The following PIK3C2G variants were observed in gnomAD, a reference collection of about 807,000 sequenced individuals.
The protein encoded by PIK3C2G is phosphatidylinositol-4-phosphate 3-kinase catalytic subunit type 2 gamma, also known as phosphatidylinositol 3-kinase C2 domain-containing subunit gamma.
A neutral mutation model predicts 181.1 loss-of-function variants in PIK3C2G; 168 were observed. The ratio of observed to expected loss-of-function variants is 0.93; its 90% CI spans 0.82 to 1.05. The LOEUF is 1.05. Among genes scored for constraint, PIK3C2G ranks in the 50% least tolerant of loss-of-function variants. The probability of loss-of-function intolerance (pLI) is 0.00; values close to 1 mark genes in which losing one functional copy is unlikely to be tolerated. For synonymous variants in PIK3C2G, 573 were observed against 592.2 expected (o/e 0.97, Z 0.47); for missense variants, 1,869 against 1,732.8 (o/e 1.08, Z -1.40).
rs2136793758 is a variant in PIK3C2G at position 18,640,490 on chromosome 12, G to A, written c.4244G>A (p.Ser1415Asn). 1 of 1,608,164 alleles carries A rather than the reference G, an allele frequency of 6.2e-7. No homozygotes were observed. Among genetic ancestry groups the A allele is most frequent in the Non-Finnish European group, 8.5e-7 (1 of 1,176,600 alleles). The change falls in exon 32 of 33, where the codon AGT (serine) becomes AAT (asparagine). Residue 1415 changes from serine to asparagine, a missense_variant. Physicochemically the swap from Ser to Asn is conservative, Grantham distance 46. Coordinates refer to ENST00000538779, the MANE Select transcript of PIK3C2G (RefSeq NM_001288772.2). The stretch of plus-strand genomic sequence containing the variant: ...GAATTTTATCTTTTACCATATCCCA[G>A]TGAAGTTCGTAGGAGGAAAACAAAA... ...HVEFYLLPYPSEVRRRKTKSV... is the reference protein window; with the variant it reads ...HVEFYLLPYPNEVRRRKTKSV...
rs764009266 is a variant in PIK3C2G at position 18,362,817 on chromosome 12, G to C, written c.1679G>C (p.Cys560Ser). Residue 560 changes from cysteine to serine, a missense_variant, in exon 12 of 33, where the codon TGC becomes TCC. Coordinates refer to ENST00000538779, the MANE Select transcript of PIK3C2G (RefSeq NM_001288772.2). ...CTTACATATGCTGGAAAGAAGCTGT[G>C]CCAAGTGAGAAACTACAGAAATATT... ...CWLTYAGKKL[C>S]QVRNYRNIPD... 5.9e-6 allele frequency: 9 copies of C among 1,523,464 alleles called. 1 individual carries two copies. The Middle Eastern group carries it at 1.2e-3, about 204-fold the overall frequency. 94.4% of individuals were successfully genotyped at this position (1,523,464 alleles called of 1,614,324 possible). A position where few individuals can be genotyped will look rare whatever the true frequency, so the allele number is the denominator to read the frequency against.
downstream of PIK3C2G, among the ~76,000 whole-genome samples, chr12:18,652,887 A>T (rs115183613): frequency 2.0e-5 from 3 of 152,052 alleles, no homozygotes; most frequent in Non-Finnish European, 4.4e-5. Context: ...CATTGAACAT[A>T]TACATATATA....
chr12:18,698,060 G>A, the PIK3C2G span, among the ~76,000 whole-genome samples: 1,066 of 151,868 alleles, frequency 7.0e-3, 11 homozygotes, highest in African/African-American at 0.025. Flanking sequence ...CTGTCCTCAT[G>A]AACAACATGA....
At chr12:18,382,335 T>C (rs1245796837) in intron 14 of PIK3C2G, among the ~76,000 whole-genome samples, 1 of 152,204 alleles carries the variant, frequency 6.6e-6, no homozygotes, top group Non-Finnish European at 1.5e-5. Flanking sequence ...AAAGTAATTA[T>C]CCTTCTTTTT....
chr12:18,618,907 G>A (rs970550336), intron 31 of PIK3C2G, among the ~76,000 whole-genome samples: 5 of 151,972 alleles, frequency 3.3e-5, no homozygotes, highest in African/African-American at 9.7e-5. Context: ...ACAGAACGTA[G>A]AGGAAAAAAG....
intron 18 of PIK3C2G, among the ~76,000 whole-genome samples, chr12:18,479,724 A>C (rs1157202714): frequency 1.3e-5 from 2 of 152,186 alleles, no homozygotes; most frequent in Admixed American, 1.3e-4. Context: ...TGGTGAAAGT[A>C]GAAAACAGTC....
the PIK3C2G span, among the ~76,000 whole-genome samples, chr12:18,654,275 C>A: frequency 7.6e-6 from 1 of 131,190 alleles, no homozygotes; most frequent in Admixed American, 8.3e-5. Context: ...TTGCCATTTC[C>A]AAAAGAAACA....
intron 18 of PIK3C2G, among the ~76,000 whole-genome samples, chr12:18,432,761 C>G (rs915219671): frequency 5.3e-5 from 8 of 152,178 alleles, no homozygotes; most frequent in Admixed American, 6.5e-5. Context: ...GGATCATCTG[C>G]TATCCCAGAA....
At chr12:18,379,125 C>T (rs958086280) in intron 13 of PIK3C2G, among the ~76,000 whole-genome samples, 22 of 152,018 alleles carry the variant, frequency 1.4e-4, no homozygotes, top group Admixed American at 6.6e-5. Context: ...AAATGTCCAT[C>T]AGTGATAGAC....
rs534823009 is a variant in PIK3C2G, at chr12:18,462,780, G to A, written c.2505-25669G>A. Among the ~76,000 whole-genome samples the A allele has an allele frequency of 7.9e-4, 120 of 152,114 alleles. 1 individual carries two copies. Among genetic ancestry groups the A allele is most frequent in the Non-Finnish European group, 1.3e-3 (86 of 67,984 alleles). On this transcript the variant is annotated intron_variant, in intron 18 of 32. Coordinates refer to ENST00000538779, the MANE Select transcript of PIK3C2G (RefSeq NM_001288772.2). ...GTTTCTGACTCAGGAATTTCTGCTC[G>A]CTGATTAAATTGGCCTCATTTCAAC...
At chr12:18,684,326 T>A in the PIK3C2G span, 1 of 1,518,790 alleles carries the variant, frequency 6.6e-7, no homozygotes, top group East Asian at 2.3e-5. Context: ...ATACCATATC[T>A]AGGAAAAAAT....
chr12:18,319,247 C>T (rs191075796), intron 6 of PIK3C2G, among the ~76,000 whole-genome samples: 40 of 152,148 alleles, frequency 2.6e-4, no homozygotes, highest in Non-Finnish European at 1.5e-4. Context: ...AGTATGCCAA[C>T]GTTGTAGAAT....
downstream of PIK3C2G, among the ~76,000 whole-genome samples, chr12:18,650,964 C>A (rs546086339): frequency 6.6e-6 from 1 of 151,768 alleles, no homozygotes; most frequent in East Asian, 1.9e-4. Flanking sequence ...ATTCTCAACA[C>A]AGCAATGGGA....
At chr12:18,539,000 G>C (rs905370459) in intron 25 of PIK3C2G, among the ~76,000 whole-genome samples, 1 of 151,874 alleles carries the variant, frequency 6.6e-6, no homozygotes, top group African/African-American at 2.4e-5. Flanking sequence ...AGGCACATAC[G>C]TACACACTAG....
chr12:18,534,070 C>T (rs1487260279), intron 24 of PIK3C2G, among the ~76,000 whole-genome samples: 3 of 151,060 alleles, frequency 2.0e-5, no homozygotes, highest in Non-Finnish European at 4.4e-5. Context: ...GTGCCTCAGC[C>T]TCCCGAGTAG....
intron 5 of PIK3C2G, among the ~76,000 whole-genome samples, chr12:18,303,535 A>G (rs1403239359): frequency 6.6e-6 from 1 of 152,060 alleles, no homozygotes; most frequent in African/African-American, 2.4e-5. Context: ...GGTCTTCACC[A>G]TGTTGGTCAG....
chr12:18,663,734 AAAAG>A, the PIK3C2G span, among the ~76,000 whole-genome samples: 1 of 152,174 alleles, frequency 6.6e-6, no homozygotes, highest in Non-Finnish European at 1.5e-5. Context: ...AACAGAAGAA[AAAAG>A]AAAGAAATTG....
At chr12:18,473,489 T>C (rs1938654556) in intron 18 of PIK3C2G, among the ~76,000 whole-genome samples, 1 of 152,182 alleles carries the variant, frequency 6.6e-6, no homozygotes, top group South Asian at 2.1e-4. Flanking sequence ...GGTGCTCATG[T>C]CTGCTACTTC....
In PIK3C2G at chr12:18,381,860, C is replaced by T. The variant is rs1179216411; in HGVS notation, c.1975C>T (p.Pro659Ser). ...TCCAGGAGTGTGGGATGTAAGTCAG[C>T]CATCCCCGGTGACCCTGCAGGTAAG... Reference protein sequence around the residue: ...ITPGVWDVSQPSPVTLQIDFP... With the variant: ...ITPGVWDVSQSSPVTLQIDFP... The change falls in exon 14 of 33, where the codon CCA becomes TCA. Residue 659 changes from proline to serine, a missense_variant. By Grantham distance (74) the Pro-to-Ser change is moderately conservative. Transcript: ENST00000538779. The T allele has an allele frequency of 1.2e-6, 2 of 1,609,384 alleles. No individual in the cohort carries two copies. The highest frequency in any genetic ancestry group is 2.2e-5 in the South Asian group (2 of 90,970).
Sources: allele counts gnomAD v4.1 joint callset (sites outside exome capture counted in the v4.1 genomes callset), GRCh38; gene constraint gnomAD v4.1.1; transcripts MANE v1.5; gene names NCBI Gene and HGNC (gene_info 2026-07-23, HGNC 2026-07-21).